GFRA2: variants seen among roughly 807,000 people sequenced by gnomAD.
GFRA2 encodes the protein GDNF family receptor alpha-2.
GFRA2 carries 17 observed loss-of-function variants against 48.3 expected under a neutral mutation model. The ratio of observed to expected loss-of-function variants is 0.35; its 90% confidence interval spans 0.24 to 0.53. The LOEUF (loss-of-function observed/expected upper bound fraction) is 0.53. GFRA2 is among the 20% of genes least tolerant of loss of function. The pLI, the probability that GFRA2 is intolerant of heterozygous loss-of-function variation, is 0.93. For missense variants in GFRA2, 660 were observed against 637.3 expected (o/e 1.04, Z -0.38); for synonymous variants, 305 against 257.2 (o/e 1.19, Z -1.78).
chr8:21,805,614 T>C (rs1373185557), intron 1 of GFRA2, among the ~76,000 whole-genome samples: 1 of 152,166 alleles, frequency 6.6e-6, no homozygotes, highest in Non-Finnish European at 1.5e-5. Context: ...TTACCCCCAC[T>C]ACATGAGCAG....
intron 7 of GFRA2, among the ~76,000 whole-genome samples, chr8:21,699,448 G>A (rs1226361480): frequency 6.6e-6 from 1 of 152,176 alleles, no homozygotes; most frequent in African/African-American, 2.4e-5. Context: ...GTATGTTGCA[G>A]GGCTCCCTGG....
intron 4 of GFRA2, among the ~76,000 whole-genome samples, chr8:21,713,054 A>T (rs1315844204): frequency 7.6e-6 from 1 of 131,728 alleles, no homozygotes; most frequent in Non-Finnish European, 1.6e-5. Context: ...AGGGAGAGGG[A>T]GACGAGGGAA....
At chr8:21,777,985 C>T (rs1006522283) in intron 2 of GFRA2, among the ~76,000 whole-genome samples, 2 of 152,222 alleles carry the variant, frequency 1.3e-5, no homozygotes, top group Non-Finnish European at 2.9e-5. Context: ...ATCCTCCCCA[C>T]TGCCGCCACG....
Position 21,788,308 on chromosome 8 carries a change from G to C in GFRA2, c.-149C>G, listed in dbSNP as rs1807388139. On this transcript the variant is annotated 5_prime_UTR_variant, in exon 1 of 9. Coordinates refer to ENST00000524240, the MANE Select transcript of GFRA2 (RefSeq NM_001495.5). ...AGCTAGTCCACCCGATGAAGATCCC[G>C]AGTCCTGCGATTCTCGCCTCTGGCT... The C allele has an allele frequency of 7.2e-7, 1 of 1,388,576 alleles. No individual in the cohort carries two copies. Among genetic ancestry groups the C allele is most frequent in the African/African-American group, 1.5e-5 (1 of 66,490 alleles). The allele number at this position is 1,388,576 out of a possible 1,614,324, so 86.0% of individuals were successfully genotyped here.
intron 2 of GFRA2, among the ~76,000 whole-genome samples, chr8:21,794,744 A>T (rs965261527): frequency 6.6e-6 from 1 of 151,776 alleles, no homozygotes; most frequent in Non-Finnish European, 1.5e-5. Flanking sequence ...TGGCAAGTTG[A>T]CCCCTCGCCA....
At chr8:21,749,487 G>A (rs555606315) in intron 4 of GFRA2, among the ~76,000 whole-genome samples, 3 of 151,674 alleles carry the variant, frequency 2.0e-5, no homozygotes, top group Non-Finnish European at 2.9e-5. Flanking sequence ...AGGACCGTCC[G>A]ACTCCAGGAC....
chr8:21,791,381 G>A (rs1452503839), upstream of GFRA2, among the ~76,000 whole-genome samples: 1 of 152,096 alleles, frequency 6.6e-6, no homozygotes, highest in African/African-American at 2.4e-5. Flanking sequence ...CCAGCATTCA[G>A]CTTGTGTGAC....
At chr8:21,809,591 T>A (rs1288689380) in intron 1 of GFRA2, among the ~76,000 whole-genome samples, 1 of 152,096 alleles carries the variant, frequency 6.6e-6, no homozygotes, top group African/African-American at 2.4e-5. Context: ...CCTCCCAAAG[T>A]GCTAGGATTA....
In GFRA2 at chr8:21,702,880, C is replaced by T. The variant is rs764421146; in HGVS notation, c.1143G>A (p.Thr381=). The change falls in exon 7 of 9, where the codon ACG becomes ACA. Residue 381 remains threonine (T), a synonymous_variant. Transcript: ENST00000524240. ...QATQAPRVEK[T]PSLPDDLSDS... ...CACTGAGGTCATCTGGCAAAGAAGG[C>T]GTCTTCTCCACCCGAGGGGCCTGGG... is the stretch of plus-strand genomic sequence containing the variant. 3.7e-6 allele frequency: 6 copies of T among 1,608,262 alleles called. No homozygotes were observed. The East Asian group carries it at 6.8e-5, about 18-fold the overall frequency.
upstream of GFRA2, among the ~76,000 whole-genome samples, chr8:21,793,306 G>A (rs1308029155): frequency 6.6e-6 from 1 of 152,146 alleles, no homozygotes; most frequent in Non-Finnish European, 1.5e-5. Context: ...ATGGAGACCA[G>A]GGGCCAATTA....
intron 2 of GFRA2, among the ~76,000 whole-genome samples, chr8:21,798,779 T>C (rs2117110812): frequency 6.6e-6 from 1 of 152,312 alleles, no homozygotes; most frequent in South Asian, 2.1e-4. Flanking sequence ...TGGGACAGCT[T>C]TTGCTACTCC....
upstream of GFRA2, among the ~76,000 whole-genome samples, chr8:21,790,587 G>T (rs373211871): frequency 0.012 from 1,803 of 152,280 alleles, 34 homozygotes; most frequent in African/African-American, 0.04. Flanking sequence ...TCCTGTGAAC[G>T]CCTCTTTCCT....
chr8:21,699,306 A>G (rs1011499836), intron 7 of GFRA2, among the ~76,000 whole-genome samples: 2 of 152,258 alleles, frequency 1.3e-5, no homozygotes, highest in Non-Finnish European at 2.9e-5. Context: ...CGCTGGCTGC[A>G]GAGTCGGCTG....
chr8:21,803,789 C>T (rs1424172341), intron 2 of GFRA2, among the ~76,000 whole-genome samples: 1 of 152,160 alleles, frequency 6.6e-6, no homozygotes, highest in African/African-American at 2.4e-5. Context: ...CAAACCACCA[C>T]ACCTGCTTAA....
chr8:21,798,182 A>G (rs1807711804), intron 2 of GFRA2, among the ~76,000 whole-genome samples: 1 of 152,028 alleles, frequency 6.6e-6, no homozygotes, highest in African/African-American at 2.4e-5. Context: ...TATTCTTCCT[A>G]CCTGACTCCT....
intron 4 of GFRA2, among the ~76,000 whole-genome samples, chr8:21,722,530 G>C (rs978215138): frequency 6.6e-6 from 1 of 152,200 alleles, no homozygotes; most frequent in African/African-American, 2.4e-5. Context: ...TAACCTGTCA[G>C]CTTAAGGTCA....
upstream of GFRA2, among the ~76,000 whole-genome samples, chr8:21,792,565 T>G (rs2117103102): frequency 6.6e-6 from 1 of 152,298 alleles, no homozygotes; most frequent in Non-Finnish European, 1.5e-5. Context: ...GAGTCAAGCG[T>G]GTAGCTATGA....
At chr8:21,754,440 G>C (rs1473092524) in intron 3 of GFRA2, among the ~76,000 whole-genome samples, 13 of 151,982 alleles carry the variant, frequency 8.6e-5, no homozygotes, top group Non-Finnish European at 5.9e-5. Flanking sequence ...AAACTTGGGG[G>C]ATGATCAACG....
chr8:21,712,281 C>A (rs1405546448), intron 4 of GFRA2, among the ~76,000 whole-genome samples: 1 of 152,148 alleles, frequency 6.6e-6, no homozygotes, highest in East Asian at 1.9e-4. Flanking sequence ...GGTCTCCTCA[C>A]TTCGCAGACA....
Sources: allele counts gnomAD v4.1 joint callset (sites outside exome capture counted in the v4.1 genomes callset), GRCh38; gene constraint gnomAD v4.1.1; transcripts MANE v1.5; gene names NCBI Gene and HGNC (gene_info 2026-07-23, HGNC 2026-07-21).